The following ADGRB3 variants were observed in gnomAD, a reference collection of about 807,000 sequenced individuals.
The protein encoded by ADGRB3 is adhesion G protein-coupled receptor B3, also known as brain-specific angiogenesis inhibitor 3.
A neutral mutation model predicts 193.4 loss-of-function variants in ADGRB3; 37 were observed. That is an observed-to-expected ratio of 0.19 (90% CI 0.15 to 0.25). The LOEUF (loss-of-function observed/expected upper bound fraction) is 0.25. ADGRB3 is among the 10% of genes least tolerant of loss of function. ADGRB3 has a pLI of 1.00. For missense variants in ADGRB3, 1,637 were observed against 1,852.9 expected, an observed-to-expected ratio of 0.88 and a Z score of 2.14; for synonymous variants, 690 against 644.2, an observed-to-expected ratio of 1.07 and a Z score of -1.08.
intron 3 of ADGRB3, among the ~76,000 whole-genome samples, chr6:68,686,100 C>G (rs147749589): frequency 2.0e-5 from 3 of 151,986 alleles, no homozygotes; most frequent in Non-Finnish European, 4.4e-5. Flanking sequence ...TCAGAAGGAG[C>G]CAAAGAAGGA....
At chr6:68,643,592 G>A (rs1051397222) in intron 3 of ADGRB3, among the ~76,000 whole-genome samples, 3 of 151,396 alleles carry the variant, frequency 2.0e-5, no homozygotes, top group Non-Finnish European at 2.9e-5. Context: ...TGCACATACT[G>A]TACTTCTTTT....
chr6:69,350,711 G>A (rs1582649915), intron 26 of ADGRB3, among the ~76,000 whole-genome samples: 1 of 151,950 alleles, frequency 6.6e-6, no homozygotes, highest in Admixed American at 6.6e-5. Flanking sequence ...ATGACTGTTG[G>A]CACAGAATAT....
chr6:69,364,605 C>A (rs997944801), intron 29 of ADGRB3, among the ~76,000 whole-genome samples: 1 of 152,044 alleles, frequency 6.6e-6, no homozygotes, highest in African/African-American at 2.4e-5. Flanking sequence ...TGTAGTCATT[C>A]CCAAATGAAC....
At chr6:68,915,204 T>A (rs143790363) in intron 3 of ADGRB3, among the ~76,000 whole-genome samples, 31 of 152,282 alleles carry the variant, frequency 2.0e-4, no homozygotes, top group Non-Finnish European at 3.2e-4. Flanking sequence ...CAGCACATAT[T>A]AGCTACGTAA....
intron 3 of ADGRB3, among the ~76,000 whole-genome samples, chr6:68,771,379 A>AAT (rs955112209): frequency 2.7e-5 from 2 of 74,662 alleles, no homozygotes; most frequent in South Asian, 3.7e-4. Flanking sequence ...TGTGCTAGGG[A>AAT]ATATATACAC....
intron 3 of ADGRB3, among the ~76,000 whole-genome samples, chr6:68,861,161 C>T (rs6455306): frequency 0.058 from 8,825 of 152,218 alleles, 342 homozygotes; most frequent in Non-Finnish European, 0.085. Context: ...ATGAAATAAA[C>T]CCTATTATCC....
At chr6:69,269,987 TATAAC>T (rs1671185277) in intron 20 of ADGRB3, among the ~76,000 whole-genome samples, 1 of 152,202 alleles carries the variant, frequency 6.6e-6, no homozygotes, top group South Asian at 2.1e-4. Context: ...GAAATATTTT[TATAAC>T]ATAAGTGTAT....
chr6:69,190,529 A>G (rs957297322), intron 17 of ADGRB3, among the ~76,000 whole-genome samples: 1 of 152,144 alleles, frequency 6.6e-6, no homozygotes, highest in Non-Finnish European at 1.5e-5. Flanking sequence ...AAGTTTGTAA[A>G]GTAAAAAAGT....
chr6:69,236,044 A>G lies in ADGRB3; in HGVS notation c.2711+909A>G, dbSNP rs140403089. Reference sequence around the variant, plus strand: ...TGTAATATTAGAATTGCAAAAGTAGATATTTCTGCCTCAGAAATCTTAATC... The same window carrying G: ...TGTAATATTAGAATTGCAAAAGTAGGTATTTCTGCCTCAGAAATCTTAATC... On this transcript the variant is annotated intron_variant, in intron 19 of 31. Coordinates refer to ENST00000370598, the MANE Select transcript of ADGRB3 (RefSeq NM_001704.3). 6.0e-4 allele frequency among the ~76,000 whole-genome samples: 92 copies of G among 152,110 alleles called. 1 individual carries two copies. In the East Asian group the frequency reaches 0.016, roughly 26 times the overall value.
At chr6:68,965,689 T>C (rs142205932) in intron 8 of ADGRB3, among the ~76,000 whole-genome samples, 2 of 152,284 alleles carry the variant, frequency 1.3e-5, no homozygotes, top group East Asian at 3.9e-4. Flanking sequence ...ACTTCAAGTA[T>C]AGTTGTATCT....
chr6:68,939,477 A>T (rs1464365388), intron 5 of ADGRB3, among the ~76,000 whole-genome samples: 3 of 152,172 alleles, frequency 2.0e-5, no homozygotes, highest in Non-Finnish European at 4.4e-5. Flanking sequence ...ATTGAGAAGA[A>T]GTTTATCTTT....
intron 20 of ADGRB3, among the ~76,000 whole-genome samples, chr6:69,285,861 AC>A (rs891574798): frequency 6.6e-6 from 1 of 151,590 alleles, no homozygotes; most frequent in African/African-American, 2.4e-5. Context: ...CTTACTCATA[AC>A]CTGTAGACAG....
At chr6:69,345,169 A>G (rs1769058805) in intron 26 of ADGRB3, among the ~76,000 whole-genome samples, 1 of 152,174 alleles carries the variant, frequency 6.6e-6, no homozygotes, top group Non-Finnish European at 1.5e-5. Context: ...AATAGATTTC[A>G]AAGTTCATAA....
intron 15 of ADGRB3, among the ~76,000 whole-genome samples, chr6:69,060,220 TTCTCTCTCTC>T (rs556453350): frequency 3.1e-5 from 4 of 129,632 alleles, no homozygotes; most frequent in Admixed American, 1.5e-4. Context: ...CTCTCTCTCT[TTCTCTCTCTC>T]TCTCTCTCTC....
chr6:68,636,687 C>G (rs544906780), intron 1 of ADGRB3, among the ~76,000 whole-genome samples: 9 of 152,106 alleles, frequency 5.9e-5, no homozygotes, highest in Non-Finnish European at 1.3e-4. Flanking sequence ...CTTGAGCAGG[C>G]ATTAAAGTGA....
intron 26 of ADGRB3, among the ~76,000 whole-genome samples, chr6:69,352,969 G>A (rs965139960): frequency 6.6e-6 from 1 of 152,130 alleles, no homozygotes; most frequent in Non-Finnish European, 1.5e-5. Flanking sequence ...ATAAAACAGA[G>A]TGTAATAAAC....
intron 6 of ADGRB3, among the ~76,000 whole-genome samples, chr6:68,952,658 T>A (rs981310306): frequency 6.6e-6 from 1 of 152,012 alleles, no homozygotes; most frequent in African/African-American, 2.4e-5. Context: ...TAAAAAAAAA[T>A]TAAAAAGCTT....
At chr6:68,684,320 G>A (rs1167395774) in intron 3 of ADGRB3, among the ~76,000 whole-genome samples, 1 of 152,078 alleles carries the variant, frequency 6.6e-6, no homozygotes, top group Non-Finnish European at 1.5e-5. Flanking sequence ...TCTACACAAT[G>A]CCTTTCCTAG....
At chr6:68,674,287 G>A (rs896320623) in intron 3 of ADGRB3, among the ~76,000 whole-genome samples, 2 of 152,122 alleles carry the variant, frequency 1.3e-5, no homozygotes, top group Admixed American at 6.5e-5. Flanking sequence ...TAGTTGCAAC[G>A]TAACATGATT....
Sources: allele counts gnomAD v4.1 joint callset (sites outside exome capture counted in the v4.1 genomes callset), GRCh38; gene constraint gnomAD v4.1.1; transcripts MANE v1.5; gene names NCBI Gene and HGNC (gene_info 2026-07-23, HGNC 2026-07-21).